AGBL1: variants seen among roughly 807,000 people sequenced by gnomAD.
AGBL1 encodes cytosolic carboxypeptidase 4.
A neutral mutation model predicts 118.9 loss-of-function variants in AGBL1; 130 were observed. The observed-to-expected ratio is 1.09, with a 90% confidence interval of 0.95 to 1.26. The LOEUF is 1.26. Ranked by LOEUF, AGBL1 falls within the 50% of genes most tolerant of loss-of-function variation. AGBL1 has a pLI of 0.00. For synonymous variants in AGBL1, 555 were observed against 478.9 expected (o/e 1.16, Z -2.08); for missense variants, 1,584 against 1,298.1 (o/e 1.22, Z -3.38).
chr15:86,338,539 G>A (rs545830743), intron 17 of AGBL1, among the ~76,000 whole-genome samples: 14 of 152,136 alleles, frequency 9.2e-5, no homozygotes, highest in East Asian at 1.9e-4. Flanking sequence ...AGTGACCCCC[G>A]AAGAATCCTT....
intron 3 of AGBL1, among the ~76,000 whole-genome samples, chr15:86,148,834 C>A (rs534417793): frequency 7.4e-4 from 112 of 152,184 alleles, no homozygotes; most frequent in African/African-American, 2.6e-3. Context: ...GTCAGATTCA[C>A]CAAGGTTGAA....
intron 21 of AGBL1, among the ~76,000 whole-genome samples, chr15:86,647,649 C>A (rs762570954): frequency 6.6e-6 from 1 of 151,930 alleles, no homozygotes; most frequent in Non-Finnish European, 1.5e-5. Context: ...TGCAGTGAGC[C>A]GAAATCACAC....
chr15:86,196,498 C>G (rs2077804849), intron 5 of AGBL1, among the ~76,000 whole-genome samples: 1 of 152,098 alleles, frequency 6.6e-6, no homozygotes, highest in Non-Finnish European at 1.5e-5. Flanking sequence ...TGGGTATTAG[C>G]CTTATTCCTA....
At chr15:86,132,018 AC>A (rs2141612105) in intron 1 of AGBL1, among the ~76,000 whole-genome samples, 2 of 152,200 alleles carry the variant, frequency 1.3e-5, no homozygotes, top group Admixed American at 1.3e-4. Context: ...CTATTTCTTA[AC>A]CCTCAAATTG....
chr15:87,010,493 GA>G (rs2081547495), intron 24 of AGBL1, among the ~76,000 whole-genome samples: 1 of 152,080 alleles, frequency 6.6e-6, no homozygotes, highest in African/African-American at 2.4e-5. Context: ...GGCTGATGTA[GA>G]AAAAAAGGCA....
At position 86,863,230 on chromosome 15, in the gene AGBL1, C is replaced by G. The variant is rs551285283; in HGVS notation, c.3159-43857C>G. Among the ~76,000 whole-genome samples the G allele has an allele frequency of 2.0e-5, 3 of 152,292 alleles. No individual in the cohort carries two copies. The East Asian group carries it at 5.8e-4, about 29-fold the overall frequency. On this transcript the variant is annotated intron_variant, in intron 22 of 22. Coordinates refer to ENST00000614907, the MANE Select transcript of AGBL1 (RefSeq NM_001386094.1). ...TATAGAGACTCCGGATAAATGATTCCTATAAATAAGAATTGCTCATAGATA... is the reference window on the plus strand; with the variant it reads ...TATAGAGACTCCGGATAAATGATTCGTATAAATAAGAATTGCTCATAGATA...
At chr15:86,918,126 G>A (rs2080447121), downstream of AGBL1, among the ~76,000 whole-genome samples, 1 of 152,174 alleles carries the variant, frequency 6.6e-6, no homozygotes. Context: ...ATTTATTTGG[G>A]CAGTTCATGA....
chr15:86,258,009 A>C lies in AGBL1; in HGVS notation c.947A>C (p.Asp316Ala). Reference sequence around the variant, plus strand: ...GATGATGAAGTGGACAAAGACTCTGATACTGAAGATGGGAAAGTGGAAGTA... The same window carrying C: ...GATGATGAAGTGGACAAAGACTCTGCTACTGAAGATGGGAAAGTGGAAGTA... ...DGDDEVDKDS[D>A]TEDGKVEDDD... The change falls in exon 9 of 23, where the codon GAT becomes GCT. Residue 316 changes from aspartate to alanine, a missense_variant. Coordinates refer to ENST00000614907, the MANE Select transcript of AGBL1 (RefSeq NM_001386094.1). 1 of 1,613,764 alleles carries C rather than the reference A, an allele frequency of 6.2e-7. No homozygotes were observed. Among genetic ancestry groups the C allele is most frequent in the East Asian group, 2.2e-5 (1 of 44,858 alleles).
At chr15:86,904,017 C>A (rs944088131) in intron 22 of AGBL1, among the ~76,000 whole-genome samples, 5 of 141,372 alleles carry the variant, frequency 3.5e-5, no homozygotes, top group African/African-American at 1.3e-4. Flanking sequence ...GAAGCCTAGG[C>A]TCCCTGCTTT....
rs2080500521 is a variant in AGBL1 at position 86,923,427 on chromosome 15, C to T, written c.3222-64560C>T. Among the ~76,000 whole-genome samples the T allele has an allele frequency of 2.6e-5, 4 of 152,190 alleles. No homozygotes were observed. The South Asian group carries it at 8.3e-4, about 32-fold the overall frequency. ...CTCCTAAGTTTATCCTGCCTGTTAT[C>T]ACCTCCTCACCTTTTCCTGCTGTTC... On this transcript the variant is annotated intron_variant, in intron 23 of 24. Transcript: ENST00000441037.
At chr15:87,027,619 C>T (rs1308066893) in intron 24 of AGBL1, among the ~76,000 whole-genome samples, 2 of 151,802 alleles carry the variant, frequency 1.3e-5, no homozygotes, top group East Asian at 1.9e-4. Flanking sequence ...ATAGCGAAGA[C>T]ATGGAATCAA....
intron 18 of AGBL1, among the ~76,000 whole-genome samples, chr15:86,444,328 T>G (rs148591012): frequency 7.9e-5 from 12 of 152,264 alleles, no homozygotes; most frequent in African/African-American, 2.9e-4. Context: ...AATAAGTCAC[T>G]TGGATAGGAA....
intron 18 of AGBL1, among the ~76,000 whole-genome samples, chr15:86,433,263 C>CTTTTTTTTTTTTTTT (rs1292975189): frequency 1.8e-5 from 1 of 54,948 alleles, no homozygotes; most frequent in Non-Finnish European, 3.4e-5. Context: ...CCTCCTCCTT[C>CTTTTTTTTTTTTTTT]TTCTTTTTTT....
chr15:86,865,692 C>T (rs1354246723), intron 22 of AGBL1, among the ~76,000 whole-genome samples: 2 of 152,208 alleles, frequency 1.3e-5, no homozygotes, highest in African/African-American at 4.8e-5. Context: ...CACCTGATGT[C>T]ACAGCATGTT....
intron 22 of AGBL1, among the ~76,000 whole-genome samples, chr15:86,761,512 T>A (rs1596458327): frequency 6.6e-6 from 1 of 152,214 alleles, no homozygotes; most frequent in Non-Finnish European, 1.5e-5. Context: ...AGGGTCACTG[T>A]AGCTGAATCT....
intron 21 of AGBL1, among the ~76,000 whole-genome samples, chr15:86,605,360 A>G (rs1282343382): frequency 1.3e-5 from 2 of 152,056 alleles, no homozygotes; most frequent in East Asian, 1.9e-4. Context: ...TGAAATCAGC[A>G]TGCTTTGCTT....
At chr15:86,638,461 T>C (rs1308429049) in intron 21 of AGBL1, among the ~76,000 whole-genome samples, 1 of 152,110 alleles carries the variant, frequency 6.6e-6, no homozygotes, top group Non-Finnish European at 1.5e-5. Flanking sequence ...TATCACTCTA[T>C]CTTGTGGGGA....
intron 18 of AGBL1, among the ~76,000 whole-genome samples, chr15:86,404,325 C>G (rs962217911): frequency 6.6e-6 from 1 of 152,136 alleles, no homozygotes; most frequent in Non-Finnish European, 1.5e-5. Flanking sequence ...GTGTCCTTCC[C>G]TGTCACTGCC....
At chr15:86,290,880 C>T (rs2079534629) in intron 16 of AGBL1, among the ~76,000 whole-genome samples, 1 of 151,822 alleles carries the variant, frequency 6.6e-6, no homozygotes, top group African/African-American at 2.4e-5. Flanking sequence ...GTGATGTTCC[C>T]CTTCCTGTGT....
Sources: gnomAD v4.1 joint callset for allele counts (sites outside exome capture counted in the v4.1 genomes callset) on GRCh38, gnomAD v4.1.1 for gene constraint, MANE v1.5 for transcripts, NCBI Gene and HGNC (gene_info 2026-07-23, HGNC 2026-07-21) for gene names.